FARS2: variants seen among roughly 807,000 people sequenced by gnomAD.
The protein encoded by FARS2 is phenylalanyl-tRNA synthetase 2, mitochondrial.
Under a neutral mutation model 46.4 loss-of-function variants are expected in FARS2, and 40 were observed. The ratio of observed to expected loss-of-function variants is 0.86; its 90% confidence interval spans 0.67 to 1.12. The LOEUF (loss-of-function observed/expected upper bound fraction) is 1.12. Among genes scored for constraint, FARS2 ranks in the 50% most tolerant of loss-of-function variants. The pLI is 0.00. For missense variants in FARS2, 513 were observed against 567.9 expected (o/e 0.90, Z 0.98); for synonymous variants, 234 against 214.9 (o/e 1.09, Z -0.78).
At chr6:5,335,231 C>T (rs1339934474) in intron 1 of FARS2, among the ~76,000 whole-genome samples, 1 of 152,146 alleles carries the variant, frequency 6.6e-6, no homozygotes, top group African/African-American at 2.4e-5. Flanking sequence ...TTTACAAAGC[C>T]CATATCCGTT....
At chr6:5,725,275 A>T (rs9405282) in intron 6 of FARS2, among the ~76,000 whole-genome samples, 1 of 152,172 alleles carries the variant, frequency 6.6e-6, no homozygotes, top group Non-Finnish European at 1.5e-5. Flanking sequence ...GGAAGGTGAA[A>T]GGTGTCCGTG....
At chr6:5,529,854 A>C (rs1769713101) in intron 4 of FARS2, among the ~76,000 whole-genome samples, 1 of 152,142 alleles carries the variant, frequency 6.6e-6, no homozygotes, top group African/African-American at 2.4e-5. Context: ...TCTTGATGCA[A>C]TTAGAACCCT....
At chr6:5,258,235 C>A (rs1764776155), upstream of FARS2, among the ~76,000 whole-genome samples, 1 of 152,176 alleles carries the variant, frequency 6.6e-6, no homozygotes, top group South Asian at 2.1e-4. Flanking sequence ...ATAGGTCTTG[C>A]AAGAGAGTTC....
intron 4 of FARS2, among the ~76,000 whole-genome samples, chr6:5,537,926 T>C (rs572249722): frequency 1.3e-4 from 20 of 152,282 alleles, no homozygotes; most frequent in African/African-American, 4.8e-4. Context: ...TTACATCTTT[T>C]GCTTCTGTGC....
chr6:5,453,821 A>G (rs1254167638), intron 4 of FARS2, among the ~76,000 whole-genome samples: 2 of 152,114 alleles, frequency 1.3e-5, no homozygotes, highest in African/African-American at 4.8e-5. Flanking sequence ...AAACACATGG[A>G]AAGTATGTTA....
chr6:5,516,391 G>A (rs942976222), intron 4 of FARS2, among the ~76,000 whole-genome samples: 2 of 152,094 alleles, frequency 1.3e-5, no homozygotes, highest in African/African-American at 4.8e-5. Context: ...CAACCAAAAG[G>A]GTTTGCAATA....
chr6:5,655,103 G>C (rs1777547093), intron 6 of FARS2, among the ~76,000 whole-genome samples: 1 of 152,148 alleles, frequency 6.6e-6, no homozygotes, highest in African/African-American at 2.4e-5. Context: ...GGGAGTCAAA[G>C]GTTACATGTG....
chr6:5,681,654 T>C (rs182172521), intron 6 of FARS2, among the ~76,000 whole-genome samples: 1 of 152,340 alleles, frequency 6.6e-6, no homozygotes, highest in African/African-American at 2.4e-5. Flanking sequence ...AGCCCTTTCT[T>C]CCCCTCTGAC....
In FARS2 at chr6:5,311,685, C is replaced by T. The variant is rs1049577160; in HGVS notation, c.-22+50025C>T. The stretch of plus-strand genomic sequence containing the variant: ...AGATTGAGAGTTTCTCAGTTTTTGA[C>T]CTGGGTGTCTTATTTAGCTAAGACT... On this transcript the variant is annotated intron_variant, in intron 1 of 6. Transcript: ENST00000274680. The surrounding 1 kb of genome is among the most constrained non-coding windows in gnomAD (Gnocchi z 4.1). Among the ~76,000 whole-genome samples the T allele has an allele frequency of 3.9e-5, 6 of 152,064 alleles. No homozygotes were observed. Among genetic ancestry groups the T allele is most frequent in the African/African-American group, 1.4e-4 (6 of 41,404 alleles).
intron 2 of FARS2, among the ~76,000 whole-genome samples, chr6:5,381,400 C>T (rs992675700): frequency 0.012 from 1,589 of 128,122 alleles, 27 homozygotes; most frequent in African/African-American, 0.051. Flanking sequence ...CACACACACA[C>T]ACACATACAC....
chr6:5,352,526 G>A (rs1486696342), intron 1 of FARS2, among the ~76,000 whole-genome samples: 2 of 151,776 alleles, frequency 1.3e-5, no homozygotes, highest in Non-Finnish European at 2.9e-5. Flanking sequence ...AAGGGAGAAC[G>A]GAAGGCCTGA....
intron 6 of FARS2, among the ~76,000 whole-genome samples, chr6:5,643,799 G>A (rs1776941496): frequency 6.6e-6 from 1 of 152,154 alleles, no homozygotes; most frequent in South Asian, 2.1e-4. Context: ...AGACACTAGG[G>A]CCTGGAAAAG....
chr6:5,739,759 G>A (rs1464085873), intron 6 of FARS2, among the ~76,000 whole-genome samples: 5 of 152,290 alleles, frequency 3.3e-5, no homozygotes, highest in East Asian at 1.9e-4. Flanking sequence ...TACCCAGAAC[G>A]GTAGGTCAGG....
At chr6:5,678,277 G>T (rs759967129) in intron 6 of FARS2, among the ~76,000 whole-genome samples, 4 of 152,186 alleles carry the variant, frequency 2.6e-5, no homozygotes, top group Non-Finnish European at 5.9e-5. Context: ...AGACTATTTT[G>T]TAGACTTAGC....
intron 5 of FARS2, among the ~76,000 whole-genome samples, chr6:5,583,564 T>C (rs1179937101): frequency 6.6e-6 from 1 of 152,252 alleles, no homozygotes; most frequent in Non-Finnish European, 1.5e-5. Flanking sequence ...TGCCTATATT[T>C]ACAATTAGAG....
At chr6:5,386,629 G>A (rs1180756009) in intron 2 of FARS2, among the ~76,000 whole-genome samples, 2 of 152,016 alleles carry the variant, frequency 1.3e-5, no homozygotes, top group Non-Finnish European at 2.9e-5. Flanking sequence ...TAAAAGAGGT[G>A]GAATTAATTG....
At chr6:5,286,983 G>C (rs1277496186) in intron 1 of FARS2, among the ~76,000 whole-genome samples, 3 of 152,252 alleles carry the variant, frequency 2.0e-5, no homozygotes, top group African/African-American at 7.2e-5. Flanking sequence ...CGCTGCACTT[G>C]TGGCCCCAGG....
intron 2 of FARS2, among the ~76,000 whole-genome samples, chr6:5,400,812 G>A (rs1033821250): frequency 4.0e-5 from 6 of 151,508 alleles, no homozygotes; most frequent in African/African-American, 7.3e-5. Flanking sequence ...TGTCTTTTGC[G>A]TCCCCTATGG....
rs567009147 is a variant in FARS2 at position 5,638,213 on chromosome 6, A to T, written c.1217+24893A>T. On this transcript the variant is annotated intron_variant, in intron 6 of 6. Coordinates refer to ENST00000274680, the MANE Select transcript of FARS2 (RefSeq NM_006567.5). Reference sequence around the variant, plus strand: ...GGCTCTGCTAAGTTACAATGAAAAGAGCTACTACAGGTACTGGAGGCTTGC... The same window carrying T: ...GGCTCTGCTAAGTTACAATGAAAAGTGCTACTACAGGTACTGGAGGCTTGC... 2.6e-5 allele frequency among the ~76,000 whole-genome samples: 4 copies of T among 152,336 alleles called. No individual in the cohort carries two copies. The East Asian group carries it at 5.8e-4, about 22-fold the overall frequency.
Sources: allele counts gnomAD v4.1 joint callset (sites outside exome capture counted in the v4.1 genomes callset), GRCh38; gene constraint gnomAD v4.1.1; non-coding constraint Gnocchi (gnomAD v3.1); transcripts MANE v1.5; gene names NCBI Gene and HGNC (gene_info 2026-07-23, HGNC 2026-07-21).